Variants in TMTC2 observed in about 807,000 individuals in gnomAD.
TMTC2 encodes the protein transmembrane O-mannosyltransferase targeting cadherins 2.
A neutral mutation model predicts 82.4 loss-of-function variants in TMTC2; 43 were observed. The ratio of observed to expected loss-of-function variants is 0.52; its 90% CI spans 0.41 to 0.67. The LOEUF (loss-of-function observed/expected upper bound fraction) is 0.67, where lower values mean the gene tolerates loss of function less well. TMTC2 is among the 30% of genes least tolerant of loss of function. The probability of loss-of-function intolerance (pLI) is 0.00; values close to 1 mark genes in which losing one functional copy is unlikely to be tolerated. For missense variants in TMTC2, 919 were observed against 1,012.4 expected, an observed-to-expected ratio of 0.91 and a Z score of 1.25; for synonymous variants, 408 against 381.9, an observed-to-expected ratio of 1.07 and a Z score of -0.80.
chr12:82,952,226 T>C (rs1283647127), intron 4 of TMTC2, among the ~76,000 whole-genome samples: 1 of 152,200 alleles, frequency 6.6e-6, no homozygotes, highest in Non-Finnish European at 1.5e-5. Flanking sequence ...ACTACTAATG[T>C]CATTGTTCTT....
chr12:82,776,540 G>A (rs1390199867), intron 1 of TMTC2, among the ~76,000 whole-genome samples: 1 of 151,400 alleles, frequency 6.6e-6, no homozygotes, highest in Non-Finnish European at 1.5e-5. Flanking sequence ...GGAGGCCAAG[G>A]TGGGAGAATC....
At chr12:82,934,480 T>G (rs918466213) in intron 4 of TMTC2, among the ~76,000 whole-genome samples, 4 of 151,422 alleles carry the variant, frequency 2.6e-5, no homozygotes, top group Non-Finnish European at 4.4e-5. Flanking sequence ...ACATGTGGTG[T>G]TTGGTTTTCT....
rs763855684 is a variant in TMTC2 at position 82,896,607 on chromosome 12, A to C, written c.1444A>C (p.Met482Leu). Residue 482 changes from methionine (M) to leucine (L), a missense_variant, in exon 3 of 12, where the codon ATG becomes CTG. Transcript: ENST00000321196. Reference sequence around the variant, plus strand: ...GAATGGAGACTGGCAGAATGAGGAAATGCTTTATAGATCAGGGATAAAAGT... The same window carrying C: ...GAATGGAGACTGGCAGAATGAGGAACTGCTTTATAGATCAGGGATAAAAGT... ...IRNGDWQNEE[M>L]LYRSGIKVNP... 1.2e-6 allele frequency: 2 copies of C among 1,613,530 alleles called. No individual in the cohort carries two copies. Among genetic ancestry groups the C allele is most frequent in the Admixed American group, 3.3e-5 (2 of 59,838 alleles).
At chr12:83,084,755 G>C (rs139595100) in intron 11 of TMTC2, among the ~76,000 whole-genome samples, 1 of 152,156 alleles carries the variant, frequency 6.6e-6, no homozygotes, top group African/African-American at 2.4e-5. Flanking sequence ...AATATTACTG[G>C]CAAGGCACCT....
chr12:82,788,698 G>C (rs1878305472), intron 1 of TMTC2, among the ~76,000 whole-genome samples: 1 of 152,022 alleles, frequency 6.6e-6, no homozygotes, highest in African/African-American at 2.4e-5. Context: ...TTCATCTCTG[G>C]AGAATGTATA....
At position 82,963,792 on chromosome 12, in the gene TMTC2, C is replaced by CACATAT. The variant is rs1213618232; in HGVS notation, c.1599-1231_1599-1230insCATATA. ...TCAGATTAACTGTTGTCCAGATTTT[C>CACATAT]ATATATATATATATATATATATATA... On this transcript the variant is annotated intron_variant, in intron 4 of 11. Transcript: ENST00000321196. Among the ~76,000 whole-genome samples, 33 of 53,056 alleles carry CACATAT rather than the reference C, an allele frequency of 6.2e-4. 12 individuals are homozygous for CACATAT. Among genetic ancestry groups the CACATAT allele is most frequent in the East Asian group, 2.2e-3 (2 of 930 alleles). The allele number at this position is 53,056 out of a possible 152,430, so 34.8% of individuals were successfully genotyped here. A position where few individuals can be genotyped will look rare whatever the true frequency, so the allele number is the denominator to read the frequency against.
At chr12:82,741,458 G>C (rs894686502) in intron 1 of TMTC2, among the ~76,000 whole-genome samples, 5 of 152,032 alleles carry the variant, frequency 3.3e-5, no homozygotes, top group Non-Finnish European at 5.9e-5. Context: ...CTACAGGCAC[G>C]CGCCACCACG....
chr12:82,994,191 G>T (rs1592680469), intron 8 of TMTC2, among the ~76,000 whole-genome samples: 1 of 152,052 alleles, frequency 6.6e-6, no homozygotes, highest in South Asian at 2.1e-4. Context: ...GGGTCTCGCT[G>T]TATCGCCCCA....
At chr12:83,021,187 T>G (rs1471504289) in intron 8 of TMTC2, among the ~76,000 whole-genome samples, 1 of 152,200 alleles carries the variant, frequency 6.6e-6, no homozygotes, top group East Asian at 1.9e-4. Flanking sequence ...CTTTTTCTTT[T>G]GCTTTCTTCT....
intron 7 of TMTC2, among the ~76,000 whole-genome samples, chr12:82,973,783 A>C (rs1878552045): frequency 3.3e-5 from 5 of 152,190 alleles, no homozygotes; most frequent in Non-Finnish European, 7.4e-5. Flanking sequence ...TGAACACTTT[A>C]ATGCCTATAG....
At chr12:82,729,636 A>T (rs1408521077) in intron 1 of TMTC2, among the ~76,000 whole-genome samples, 1 of 152,198 alleles carries the variant, frequency 6.6e-6, no homozygotes, top group East Asian at 1.9e-4. Flanking sequence ...AAACGGACCA[A>T]TCAGCTCTCT....
intron 8 of TMTC2, among the ~76,000 whole-genome samples, chr12:83,015,934 A>T (rs1880658015): frequency 6.6e-6 from 1 of 152,078 alleles, no homozygotes; most frequent in East Asian, 1.9e-4. Flanking sequence ...AGGTTTCTGT[A>T]ATCTTAATAT....
At chr12:82,940,528 A>G (rs1033168211) in intron 4 of TMTC2, among the ~76,000 whole-genome samples, 1 of 150,094 alleles carries the variant, frequency 6.7e-6, no homozygotes, top group African/African-American at 2.4e-5. Context: ...CGTAATTTCA[A>G]TTTTTTGCTG....
chr12:82,940,620 C>A (rs1236512113), intron 4 of TMTC2, among the ~76,000 whole-genome samples: 2 of 144,962 alleles, frequency 1.4e-5, no homozygotes, highest in African/African-American at 2.5e-5. Flanking sequence ...TTTTTTTTTT[C>A]CTCTGGTGGG....
chr12:82,916,868 A>C lies in TMTC2; in HGVS notation c.1484-13563A>C, dbSNP rs530949638. 2.0e-5 allele frequency among the ~76,000 whole-genome samples: 3 copies of C among 152,348 alleles called. No homozygotes were observed. In the East Asian group the frequency reaches 5.8e-4, roughly 29 times the overall value. On this transcript the variant is annotated intron_variant, in intron 3 of 11. Transcript: ENST00000321196. ...ATCTTGTAGAATTCCTGTAATTAGA[A>C]TTACATATAAGTACATAGGATATGT...
intron 1 of TMTC2, among the ~76,000 whole-genome samples, chr12:82,712,183 G>A (rs757236174): frequency 1.3e-5 from 2 of 152,138 alleles, no homozygotes; most frequent in African/African-American, 4.8e-5. Flanking sequence ...TGTAATCCTA[G>A]CATTTTGGGA....
intron 1 of TMTC2, among the ~76,000 whole-genome samples, chr12:82,795,104 A>C (rs967531465): frequency 1.3e-5 from 2 of 152,084 alleles, no homozygotes. Context: ...CAGGAGTTCG[A>C]GACCAGCGTG....
At chr12:82,720,585 CT>C (rs1434452088) in intron 1 of TMTC2, among the ~76,000 whole-genome samples, 2 of 151,988 alleles carry the variant, frequency 1.3e-5, no homozygotes, top group Non-Finnish European at 2.9e-5. Context: ...GTTTTTAATT[CT>C]TTTGGGTATA....
intron 7 of TMTC2, among the ~76,000 whole-genome samples, chr12:82,979,864 C>G (rs2137326744): frequency 6.6e-6 from 1 of 151,836 alleles, no homozygotes; most frequent in Admixed American, 6.6e-5. Context: ...ACTGGATCCA[C>G]TATTCTAGGA....
Sources: gnomAD v4.1 joint callset for allele counts (sites outside exome capture counted in the v4.1 genomes callset) on GRCh38, gnomAD v4.1.1 for gene constraint, MANE v1.5 for transcripts, NCBI Gene and HGNC (gene_info 2026-07-23, HGNC 2026-07-21) for gene names.